DPP6: variants seen among roughly 807,000 people sequenced by gnomAD.
DPP6 encodes A-type potassium channel modulatory protein DPP6.
Under a neutral mutation model 122.6 loss-of-function variants are expected in DPP6, and 69 were observed. That is an observed-to-expected ratio of 0.56 (90% CI 0.46 to 0.69). The LOEUF (loss-of-function observed/expected upper bound fraction) is 0.69, where lower values mean the gene tolerates loss of function less well. DPP6 is among the 30% of genes least tolerant of loss of function. The probability of loss-of-function intolerance (pLI) is 0.00; values close to 1 mark genes in which losing one functional copy is unlikely to be tolerated. For missense variants in DPP6, 928 were observed against 1,116.9 expected (o/e 0.83, Z 2.41); for synonymous variants, 418 against 433.1 (o/e 0.97, Z 0.43).
chr7:154,759,189 A>G (rs1440458287), intron 8 of DPP6, among the ~76,000 whole-genome samples: 1 of 152,214 alleles, frequency 6.6e-6, no homozygotes, highest in Non-Finnish European at 1.5e-5. Context: ...CCCATTCCAC[A>G]GCAATTTCCC....
Position 154,557,981 on chromosome 7 carries a change from G to T in DPP6, c.553-8861G>T, listed in dbSNP as rs1001344937. Reference sequence around the variant, plus strand: ...TTATTATTATACTTTAAGTTCTGGGGTACATGTGCAGAATGTGTAGGTTTG... The same window carrying T: ...TTATTATTATACTTTAAGTTCTGGGTTACATGTGCAGAATGTGTAGGTTTG... On this transcript the variant is annotated intron_variant, in intron 4 of 25. Coordinates refer to ENST00000377770, the MANE Select transcript of DPP6 (RefSeq NM_130797.4). Among the ~76,000 whole-genome samples the T allele has an allele frequency of 2.0e-5, 3 of 152,040 alleles. No homozygotes were observed. In the East Asian group the frequency reaches 5.8e-4, roughly 29 times the overall value.
At chr7:154,057,979 A>C (rs1481450145) in intron 1 of DPP6, 1 of 150,688 alleles carries the variant, frequency 6.6e-6, no homozygotes, top group Non-Finnish European at 1.5e-5. Flanking sequence ...GAAGCAAATA[A>C]GCTGATTCTT....
intron 1 of DPP6, among the ~76,000 whole-genome samples, chr7:154,400,499 T>G (rs1393863532): frequency 1.3e-5 from 2 of 152,230 alleles, no homozygotes; most frequent in African/African-American, 2.4e-5. Context: ...GATTTCCCAC[T>G]GGGGCCATTT....
At chr7:154,679,149 T>G (rs1267090627) in intron 7 of DPP6, among the ~76,000 whole-genome samples, 7 of 152,156 alleles carry the variant, frequency 4.6e-5, no homozygotes, top group Non-Finnish European at 8.8e-5. Flanking sequence ...GCCAGCCCCC[T>G]TGTCCATCAC....
chr7:153,940,278 G>A (rs1026785216), intron 1 of DPP6, among the ~76,000 whole-genome samples: 6 of 152,096 alleles, frequency 3.9e-5, no homozygotes, highest in Non-Finnish European at 5.9e-5. Flanking sequence ...ATTGGCCAAG[G>A]GTCACAGACA....
chr7:154,014,375 G>A (rs188872946), intron 1 of DPP6, among the ~76,000 whole-genome samples: 6 of 147,772 alleles, frequency 4.1e-5, no homozygotes, highest in African/African-American at 1.0e-4. Context: ...TCAAAATAAT[G>A]CATGGGGCTG....
At chr7:154,134,606 T>C (rs1795449092) in intron 1 of DPP6, among the ~76,000 whole-genome samples, 1 of 152,184 alleles carries the variant, frequency 6.6e-6, no homozygotes, top group Admixed American at 6.5e-5. Flanking sequence ...ATTTTCTTCC[T>C]CAAGAAGCCT....
intron 1 of DPP6, among the ~76,000 whole-genome samples, chr7:153,931,348 A>G (rs1216901539): frequency 6.6e-6 from 1 of 152,206 alleles, no homozygotes; most frequent in African/African-American, 2.4e-5. Context: ...AAAGGATAAC[A>G]TTCATCAGAG....
the DPP6 span, among the ~76,000 whole-genome samples, chr7:153,804,464 A>ACAAAC: frequency 6.6e-6 from 1 of 152,194 alleles, no homozygotes; most frequent in African/African-American, 2.4e-5. Context: ...ATGGATCTTT[A>ACAAAC]CAAACCCTAT....
At chr7:154,383,890 C>CA (rs375015144) in intron 1 of DPP6, among the ~76,000 whole-genome samples, 25,045 of 106,506 alleles carry the variant, frequency 0.24, 3,354 homozygotes, top group African/African-American at 0.29. Flanking sequence ...ACTCTGTCTC[C>CA]AAAAAAAAAA....
At chr7:153,963,574 C>T (rs1262593219) in intron 1 of DPP6, among the ~76,000 whole-genome samples, 2 of 151,610 alleles carry the variant, frequency 1.3e-5, no homozygotes, top group African/African-American at 4.8e-5. Context: ...CTGTGAGGAA[C>T]AGGGCTGCAC....
intron 1 of DPP6, among the ~76,000 whole-genome samples, chr7:154,380,845 C>A (rs1813532956): frequency 6.6e-6 from 1 of 152,198 alleles, no homozygotes; most frequent in Non-Finnish European, 1.5e-5. Context: ...TTCCCCAGTT[C>A]TGGGCACAAC....
At chr7:154,338,600 C>T (rs1809637473) in intron 1 of DPP6, among the ~76,000 whole-genome samples, 3 of 152,208 alleles carry the variant, frequency 2.0e-5, no homozygotes. Context: ...TCTTTAAGCA[C>T]ATCGTTTTGA....
At chr7:154,058,456 G>T (rs1278191299) in intron 1 of DPP6, 10 of 135,038 alleles carry the variant, frequency 7.4e-5, no homozygotes, top group Non-Finnish European at 1.1e-4. Context: ...TCCGCACCTG[G>T]CTGTTGGTAC....
intron 3 of DPP6, among the ~76,000 whole-genome samples, chr7:154,522,428 A>G (rs56013621): frequency 0.12 from 18,673 of 152,058 alleles, 1,401 homozygotes; most frequent in Non-Finnish European, 0.17. Context: ...ACCAGCCAGC[A>G]ATTCTAATGT....
intron 1 of DPP6, among the ~76,000 whole-genome samples, chr7:153,929,273 A>G (rs1011271641): frequency 6.6e-6 from 1 of 152,150 alleles, no homozygotes; most frequent in Admixed American, 6.5e-5. Flanking sequence ...ACAGCATTCC[A>G]GGTCAGATAA....
chr7:154,453,011 A>G (rs889116814), intron 2 of DPP6, among the ~76,000 whole-genome samples: 8 of 152,128 alleles, frequency 5.3e-5, no homozygotes, highest in African/African-American at 1.9e-4. Flanking sequence ...TTTTATTTTC[A>G]ATATTAAATA....
In DPP6 at chr7:154,395,971, C is replaced by T. The variant is rs186733238; in HGVS notation, c.244-50243C>T. Among the ~76,000 whole-genome samples the T allele has an allele frequency of 4.5e-4, 68 of 149,670 alleles. 1 individual carries two copies. The East Asian group carries it at 0.011, about 25-fold the overall frequency. On this transcript the variant is annotated intron_variant, in intron 1 of 25. Coordinates refer to ENST00000377770, the MANE Select transcript of DPP6 (RefSeq NM_130797.4). ...GTTTTTTTTTTTTTTAATCATAAAG[C>T]GCTGTTGAATTCTGTCAAATGCTTT...
intron 3 of DPP6, among the ~76,000 whole-genome samples, chr7:154,537,540 AT>A (rs1828356011): frequency 6.6e-6 from 1 of 152,218 alleles, no homozygotes; most frequent in South Asian, 2.1e-4. Context: ...AAATACAAAA[AT>A]TAGATCAGCG....
Sources: allele counts gnomAD v4.1 joint callset (sites outside exome capture counted in the v4.1 genomes callset), GRCh38; gene constraint gnomAD v4.1.1; transcripts MANE v1.5; gene names NCBI Gene and HGNC (gene_info 2026-07-23, HGNC 2026-07-21).